GLI2: variants seen among roughly 807,000 people sequenced by gnomAD.
GLI2 encodes the protein GLI family zinc finger 2.
In GLI2, 22 loss-of-function variants were observed where a neutral mutation model predicts 78.9. That is an observed-to-expected ratio of 0.28 (90% CI 0.20 to 0.40). The LOEUF (loss-of-function observed/expected upper bound fraction) is 0.40, where lower values mean the gene tolerates loss of function less well. Ranked by LOEUF, GLI2 falls within the 10% of genes least tolerant of loss-of-function variation. The pLI is 1.00. For missense variants in GLI2, 2,097 were observed against 2,213.2 expected, an observed-to-expected ratio of 0.95 and a Z score of 1.05; for synonymous variants, 974 against 963.7, an observed-to-expected ratio of 1.01 and a Z score of -0.20.
chr2:120,771,158 GC>G (rs1683509109), intron 1 of GLI2, among the ~76,000 whole-genome samples: 1 of 152,354 alleles, frequency 6.6e-6, no homozygotes, highest in Admixed American at 6.5e-5. Flanking sequence ...CAGGATCTCA[GC>G]CCTCTTCACT....
chr2:120,742,603 C>A (rs751117339), intron 1 of GLI2, among the ~76,000 whole-genome samples: 33 of 150,172 alleles, frequency 2.2e-4, no homozygotes, highest in Non-Finnish European at 4.0e-4. Flanking sequence ...TAGCATTATT[C>A]ATTTTCCGAG....
chr2:120,867,909 C>G (rs1297604031), intron 2 of GLI2, among the ~76,000 whole-genome samples: 1 of 152,074 alleles, frequency 6.6e-6, no homozygotes, highest in African/African-American at 2.4e-5. Flanking sequence ...GAGGCACTGC[C>G]GAGAAAATGG....
At chr2:120,829,021 GC>G (rs1480523852) in intron 2 of GLI2, among the ~76,000 whole-genome samples, 1 of 152,096 alleles carries the variant, frequency 6.6e-6, no homozygotes, top group African/African-American at 2.4e-5. Flanking sequence ...AAAATGACAT[GC>G]TGTCACTCAT....
chr2:120,951,222 G>C (rs767375449), intron 3 of GLI2, 21 bp from the exon 4 acceptor site: 1 of 1,441,620 alleles, frequency 6.9e-7, no homozygotes, highest in Non-Finnish European at 9.8e-7. Flanking sequence ...CTTCTTAGAC[G>C]GCTGCCCATT....
chr2:120,739,966 A>T (rs1407272494), intron 1 of GLI2, among the ~76,000 whole-genome samples: 1 of 152,242 alleles, frequency 6.6e-6, no homozygotes, highest in East Asian at 1.9e-4. Context: ...GTCATCCGAC[A>T]TTGATGTTTG....
rs571681306 is a variant in GLI2 at position 120,772,767 on chromosome 2, C to G, written c.-30-24524C>G. On this transcript the variant is annotated intron_variant, in intron 1 of 13. Coordinates refer to ENST00000361492, the MANE Select transcript of GLI2 (RefSeq NM_001374353.1). ...AAAACATAGATGAAGAAGAAAGAAGCCATTGACCGTGGCATTCTTCAGCAG... is the reference window on the plus strand; with the variant it reads ...AAAACATAGATGAAGAAGAAAGAAGGCATTGACCGTGGCATTCTTCAGCAG... Among the ~76,000 whole-genome samples, 3 of 152,338 alleles carry G rather than the reference C, an allele frequency of 2.0e-5. No individual in the cohort carries two copies. The East Asian group carries it at 5.8e-4, about 29-fold the overall frequency.
In GLI2 at chr2:120,937,555, C is replaced by T. The variant is rs924317694; in HGVS notation, c.254+10089C>T. 5.9e-5 allele frequency among the ~76,000 whole-genome samples: 9 copies of T among 152,222 alleles called. No individual in the cohort carries two copies. The East Asian group carries it at 7.7e-4, about 13-fold the overall frequency. ...AACAGAAAGCGCTTATCAGCGGGGACGCATGAAGGCCTCCCCCCACGTCCC... is the reference window on the plus strand; with the variant it reads ...AACAGAAAGCGCTTATCAGCGGGGATGCATGAAGGCCTCCCCCCACGTCCC... On this transcript the variant is annotated intron_variant, in intron 3 of 13. Coordinates refer to ENST00000361492, the MANE Select transcript of GLI2 (RefSeq NM_001374353.1).
In GLI2 at chr2:120,974,999, G is replaced by T; in HGVS notation, c.1207G>T (p.Asp403Tyr). 6.2e-7 allele frequency: 1 copy of T among 1,614,218 alleles called. No homozygotes were observed. The highest frequency in any genetic ancestry group is 1.1e-5 in the South Asian group (1 of 91,086). Reference protein sequence around the residue: ...TQEQLADLKEDLDRDDCKQEA... With the variant: ...TQEQLADLKEYLDRDDCKQEA... ...GGAGCAGCTGGCTGACCTCAAGGAAGATCTGGACAGGGATGACTGTAAGCA... is the reference window on the plus strand; with the variant it reads ...GGAGCAGCTGGCTGACCTCAAGGAATATCTGGACAGGGATGACTGTAAGCA... Residue 403 changes from aspartate (D) to tyrosine (Y), a missense_variant, in exon 9 of 14, where the codon GAT becomes TAT. Asp to Tyr is a radical substitution (Grantham distance 160). Transcript: ENST00000361492.
intron 2 of GLI2, among the ~76,000 whole-genome samples, chr2:120,838,847 G>T (rs1686735267): frequency 6.6e-6 from 1 of 152,180 alleles, no homozygotes; most frequent in Non-Finnish European, 1.5e-5. Context: ...GGGTCAATAG[G>T]TTCCAGGAAG....
chr2:120,905,465 T>G (rs1286220876), intron 2 of GLI2, among the ~76,000 whole-genome samples: 1 of 152,096 alleles, frequency 6.6e-6, no homozygotes, highest in Non-Finnish European at 1.5e-5. Flanking sequence ...AAGGAGGAAA[T>G]GGAGACTCAG....
chr2:120,839,327 C>T (rs780678093), intron 2 of GLI2, among the ~76,000 whole-genome samples: 36 of 152,098 alleles, frequency 2.4e-4, no homozygotes, highest in Admixed American at 8.5e-4. Flanking sequence ...GGTTTCTTAA[C>T]GTTTTTTAAA....
intron 2 of GLI2, among the ~76,000 whole-genome samples, chr2:120,898,216 A>ACACACACACACACACACAC (rs1558867030): frequency 6.6e-6 from 1 of 151,084 alleles, no homozygotes. Flanking sequence ...ACACACACAC[A>ACACACACACACACACACAC]AAATGATTGT....
intron 2 of GLI2, among the ~76,000 whole-genome samples, chr2:120,883,130 C>T (rs191000162): frequency 2.6e-5 from 4 of 152,194 alleles, no homozygotes; most frequent in South Asian, 2.1e-4. Flanking sequence ...AGGTTCCTTC[C>T]GTGGGTTTAG....
intron 10 of GLI2, among the ~76,000 whole-genome samples, chr2:120,982,180 A>G (rs1048871129): frequency 2.0e-5 from 3 of 152,184 alleles, no homozygotes; most frequent in African/African-American, 7.2e-5. Flanking sequence ...CAAGCCAGAA[A>G]GAACTTAGTG....
Position 120,988,637 on chromosome 2 carries a change from TG to T in GLI2, c.2674del (p.Glu892SerfsTer3). On this transcript the variant is annotated frameshift_variant, in exon 14 of 14. Coordinates refer to ENST00000361492, the MANE Select transcript of GLI2 (RefSeq NM_001374353.1). LOFTEE classifies it low-confidence loss of function (END_TRUNC). ...GGPPPTPLPGLERMSLRTRLA... is the reference protein window; with the variant it reads ...GGPPPTPLPGXERMSLRTRLA... ...CCCCCGCCCACTCCGCTGCCGGGCC[TG>T]GAGCGCATGAGCCTGCGGACCAGGC... 1 of 1,442,300 alleles carries T rather than the reference TG, an allele frequency of 6.9e-7. No individual in the cohort carries two copies. Among genetic ancestry groups the T allele is most frequent in the Non-Finnish European group, 9.1e-7 (1 of 1,102,782 alleles). The allele number at this position is 1,442,300 out of a possible 1,614,324, so 89.3% of individuals were successfully genotyped here.
chr2:120,770,380 T>C (rs183910764), intron 1 of GLI2, among the ~76,000 whole-genome samples: 140 of 152,180 alleles, frequency 9.2e-4, no homozygotes, highest in African/African-American at 3.2e-3. Flanking sequence ...CCCATAGGGG[T>C]TTAGCTGTCT....
Position 120,804,404 on chromosome 2 carries a change from T to A in GLI2, c.148+6936T>A, listed in dbSNP as rs1173658272. Among the ~76,000 whole-genome samples, 9 of 152,328 alleles carry A rather than the reference T, an allele frequency of 5.9e-5. No individual in the cohort carries two copies. In the South Asian group the frequency reaches 1.5e-3, roughly 25 times the overall value. Reference sequence around the variant, plus strand: ...GGGATTATGGAATCTGATGCTATCATGCCAGAGGTGTTCCCGGTGGGCTGG... The same window carrying A: ...GGGATTATGGAATCTGATGCTATCAAGCCAGAGGTGTTCCCGGTGGGCTGG... On this transcript the variant is annotated intron_variant, in intron 2 of 13. Transcript: ENST00000361492.
chr2:120,754,192 C>T (rs572242903), intron 1 of GLI2, among the ~76,000 whole-genome samples: 1 of 152,272 alleles, frequency 6.6e-6, no homozygotes, highest in East Asian at 1.9e-4. Context: ...GAAGTTTACA[C>T]TCCCACCAGC....
chr2:120,753,762 G>A (rs888658785), intron 1 of GLI2, among the ~76,000 whole-genome samples: 4 of 151,984 alleles, frequency 2.6e-5, no homozygotes, highest in African/African-American at 4.8e-5. Context: ...GCCGGGCGAG[G>A]TGGCGGGCGC....
Sources: gnomAD v4.1 joint callset for allele counts (sites outside exome capture counted in the v4.1 genomes callset) on GRCh38, gnomAD v4.1.1 for gene constraint, MANE v1.5 for transcripts, NCBI Gene and HGNC (gene_info 2026-07-23, HGNC 2026-07-21) for gene names.